Variants in SND1 observed in about 807,000 individuals in gnomAD.
The protein encoded by SND1 is staphylococcal nuclease and tudor domain containing 1, also known as staphylococcal nuclease domain-containing protein 1.
Under a neutral mutation model 121.7 loss-of-function variants are expected in SND1, and 38 were observed. The ratio of observed to expected loss-of-function variants is 0.31; its 90% CI spans 0.24 to 0.41. The LOEUF (loss-of-function observed/expected upper bound fraction) is 0.41, where lower values mean the gene tolerates loss of function less well. SND1 is among the 10% of genes least tolerant of loss of function. The pLI is 1.00. For missense variants in SND1, 868 were observed against 1,184.6 expected (o/e 0.73, Z 3.92); for synonymous variants, 401 against 447.4 (o/e 0.90, Z 1.31).
At chr7:127,969,620 C>T (rs889991866) in intron 15 of SND1, among the ~76,000 whole-genome samples, 4 of 152,040 alleles carry the variant, frequency 2.6e-5, no homozygotes, top group African/African-American at 9.7e-5. Flanking sequence ...GCTACTTACT[C>T]GGGAGGCTGA....
intron 16 of SND1, chr7:128,008,159 T>G (rs926869982): frequency 2.6e-5 from 4 of 152,170 alleles, no homozygotes; most frequent in African/African-American, 9.7e-5. Flanking sequence ...GCGGGTGCAT[T>G]CTCTTTAAAT....
rs539166441 is a variant in SND1 at position 127,706,343 on chromosome 7, A to G, written c.948-1214A>G. 7.7e-5 allele frequency among the ~76,000 whole-genome samples: 10 copies of G among 130,460 alleles called. No individual in the cohort carries two copies. The South Asian group carries it at 2.1e-3, about 27-fold the overall frequency. The allele number at this position is 130,460 out of a possible 152,430, so 85.6% of individuals were successfully genotyped here. ...ACGATCTCCACTTACTGCAACCTCT[A>G]CCTCCCTGGTTCAAGCGATTCCTCT... On this transcript the variant is annotated intron_variant, in intron 8 of 23. Transcript: ENST00000354725.
chr7:128,056,746 C>T (rs993599783), intron 16 of SND1, among the ~76,000 whole-genome samples: 8 of 152,210 alleles, frequency 5.3e-5, no homozygotes, highest in African/African-American at 1.4e-4. Flanking sequence ...ATGCCTCAAA[C>T]CACAGACGGT....
rs188221871 is a variant in SND1, at chr7:128,081,247, C to T, written c.1969-113C>T. The T allele has an allele frequency of 3.6e-4, 471 of 1,306,162 alleles. 2 individuals carry two copies. The Admixed American group carries it at 4.4e-3, about 12-fold the overall frequency. 80.9% of individuals were successfully genotyped at this position (1,306,162 alleles called of 1,614,324 possible). A position where few individuals can be genotyped will look rare whatever the true frequency, so the allele number is the denominator to read the frequency against. ...TCCTAACCTCGTGATCCACCCGCCT[C>T]GGCCTCCCAAAGTGCTGGGATTACA... On this transcript the variant is annotated intron_variant, in intron 17 of 23. Transcript: ENST00000354725.
At chr7:127,971,860 C>T (rs1178545041) in intron 15 of SND1, among the ~76,000 whole-genome samples, 1 of 150,996 alleles carries the variant, frequency 6.6e-6, no homozygotes, top group Non-Finnish European at 1.5e-5. Flanking sequence ...GCAACCTCTG[C>T]CTCCTGGGTT....
intron 12 of SND1, among the ~76,000 whole-genome samples, chr7:127,872,249 GA>G (rs961585101): frequency 5.3e-5 from 8 of 152,202 alleles, no homozygotes; most frequent in African/African-American, 1.9e-4. Flanking sequence ...TACATGAGGT[GA>G]AGCAGCTATA....
At chr7:127,801,181 G>A (rs546448727) in intron 10 of SND1, among the ~76,000 whole-genome samples, 1 of 152,272 alleles carries the variant, frequency 6.6e-6, no homozygotes, top group South Asian at 2.1e-4. Flanking sequence ...GCCACATAGC[G>A]CCACATCAAA....
chr7:127,873,558 G>A (rs1369260511), intron 12 of SND1, among the ~76,000 whole-genome samples: 1 of 152,110 alleles, frequency 6.6e-6, no homozygotes, highest in Non-Finnish European at 1.5e-5. Context: ...CTCACCCTGG[G>A]CCTGGGCTCC....
At chr7:127,879,660 G>T (rs976668321) in intron 12 of SND1, among the ~76,000 whole-genome samples, 1 of 152,080 alleles carries the variant, frequency 6.6e-6, no homozygotes, top group Non-Finnish European at 1.5e-5. Context: ...GAACTCTGTC[G>T]CCTTCAGACC....
intron 11 of SND1, among the ~76,000 whole-genome samples, chr7:127,829,037 G>A (rs1367423949): frequency 2.0e-5 from 3 of 152,184 alleles, no homozygotes; most frequent in African/African-American, 7.2e-5. Flanking sequence ...ATGCATCAGG[G>A]AGAGATTTGT....
chr7:127,659,812 C>CT (rs1795276979), intron 1 of SND1, among the ~76,000 whole-genome samples: 1 of 152,118 alleles, frequency 6.6e-6, no homozygotes, highest in Non-Finnish European at 1.5e-5. Flanking sequence ...ACCTCAAACT[C>CT]TCCTTTTCTC....
intron 15 of SND1, among the ~76,000 whole-genome samples, chr7:127,947,536 A>G (rs1248157880): frequency 6.7e-6 from 1 of 149,414 alleles, no homozygotes; most frequent in Admixed American, 6.7e-5. Context: ...CAACCTGCTG[A>G]ATGCAGATGG....
At chr7:127,914,243 T>C (rs2116785563) in intron 14 of SND1, among the ~76,000 whole-genome samples, 1 of 152,330 alleles carries the variant, frequency 6.6e-6, no homozygotes, top group East Asian at 1.9e-4. Context: ...TTAGATCATA[T>C]TCATCTCCTC....
At chr7:127,912,416 C>T (rs574220350) in intron 14 of SND1, among the ~76,000 whole-genome samples, 2 of 152,246 alleles carry the variant, frequency 1.3e-5, no homozygotes, top group South Asian at 2.1e-4. Flanking sequence ...TATTTAGCTT[C>T]ATTTAGTTGG....
At chr7:127,916,571 C>A (rs1249499762) in intron 14 of SND1, among the ~76,000 whole-genome samples, 1 of 152,088 alleles carries the variant, frequency 6.6e-6, no homozygotes, top group African/African-American at 2.4e-5. Context: ...TAGACCAAGC[C>A]CTTTATTTCA....
rs1487493093 is a variant in SND1 at position 128,076,900 on chromosome 7, C to T, written c.1968+2210C>T. Among the ~76,000 whole-genome samples the T allele has an allele frequency of 2.6e-5, 4 of 152,288 alleles. No homozygotes were observed. The South Asian group carries it at 6.2e-4, about 24-fold the overall frequency. ...ACCTCCCTGCTGAGTGTAATTCCTC[C>T]CTGTGCCCTGTGGATGCCTCCTCAG... is the stretch of plus-strand genomic sequence containing the variant. On this transcript the variant is annotated intron_variant, in intron 17 of 23. Transcript: ENST00000354725.
At chr7:127,789,913 A>G (rs1409590897) in intron 10 of SND1, among the ~76,000 whole-genome samples, 1 of 152,208 alleles carries the variant, frequency 6.6e-6, no homozygotes, top group Non-Finnish European at 1.5e-5. Flanking sequence ...AGAAAGAAAT[A>G]TTTGTATTTT....
chr7:127,841,689 C>CT (rs3834357), intron 11 of SND1, among the ~76,000 whole-genome samples: 9,885 of 152,092 alleles, frequency 0.065, 420 homozygotes, highest in Middle Eastern at 0.2. Context: ...ATTCCTTGCC[C>CT]TTTTTTTGGC....
At chr7:127,948,153 C>G (rs1461351987) in intron 15 of SND1, among the ~76,000 whole-genome samples, 1 of 152,192 alleles carries the variant, frequency 6.6e-6, no homozygotes, top group Non-Finnish European at 1.5e-5. Flanking sequence ...GACCTTATTT[C>G]TCACCCAGAC....
Sources: gnomAD v4.1 joint callset for allele counts (sites outside exome capture counted in the v4.1 genomes callset) on GRCh38, gnomAD v4.1.1 for gene constraint, MANE v1.5 for transcripts, NCBI Gene and HGNC (gene_info 2026-07-23, HGNC 2026-07-21) for gene names.